CTNNA3: variants seen among roughly 807,000 people sequenced by gnomAD.
CTNNA3 encodes catenin alpha 3, also known as catenin alpha-3.
A neutral mutation model predicts 95.7 loss-of-function variants in CTNNA3; 76 were observed. That is an observed-to-expected ratio of 0.79 (90% CI 0.66 to 0.96). The LOEUF is 0.96. Ranked by LOEUF, CTNNA3 falls within the 40% of genes least tolerant of loss-of-function variation. The pLI, the probability that CTNNA3 is intolerant of heterozygous loss-of-function variation, is 0.00. For synonymous variants in CTNNA3, 431 were observed against 374.4 expected, an observed-to-expected ratio of 1.15 and a Z score of -1.74; for missense variants, 1,191 against 1,089.8, an observed-to-expected ratio of 1.09 and a Z score of -1.31.
At chr10:66,132,385 A>G (rs1478840720) in intron 13 of CTNNA3, among the ~76,000 whole-genome samples, 1 of 152,194 alleles carries the variant, frequency 6.6e-6, no homozygotes, top group African/African-American at 2.4e-5. Context: ...GGCTATTAAT[A>G]AAAAGTCAAA....
At chr10:67,302,075 GAAAGAAAGAAAGAAAGAAAGAAA>G (rs1840342268) in intron 5 of CTNNA3, among the ~76,000 whole-genome samples, 1 of 110,016 alleles carries the variant, frequency 9.1e-6, no homozygotes, top group Non-Finnish European at 2.0e-5. Flanking sequence ...AAGAAAGAAA[GAAAGAAAGAAAGAAAGAAAGAAA>G]ATCCTTTCAT....
In CTNNA3 at chr10:65,922,936, C is replaced by T. The variant is rs1015357319; in HGVS notation, c.2401-2319G>A. Among the ~76,000 whole-genome samples, 61 of 152,168 alleles carry T rather than the reference C, an allele frequency of 4.0e-4. No homozygotes were observed. In the Middle Eastern group the frequency reaches 0.01, roughly 25 times the overall value. ...ATCTTACATGGCAACAGGAGAGAGA[C>T]AGCAAACAAAAGCAGGGAAAACTGC... On this transcript the variant is annotated intron_variant, in intron 17 of 17. Transcript: ENST00000433211.
chr10:66,225,328 C>G (rs2089219981), intron 13 of CTNNA3, among the ~76,000 whole-genome samples: 1 of 149,182 alleles, frequency 6.7e-6, no homozygotes, highest in Non-Finnish European at 1.5e-5. Flanking sequence ...TTTTGCATAA[C>G]ATAATCCCCT....
At chr10:66,375,213 C>T (rs1208419959) in intron 12 of CTNNA3, among the ~76,000 whole-genome samples, 6 of 150,084 alleles carry the variant, frequency 4.0e-5, no homozygotes, top group South Asian at 2.1e-4. Context: ...TGGAAGGTGC[C>T]TTTTGGCCCA....
chr10:66,107,034 T>G (rs979753417), intron 13 of CTNNA3, among the ~76,000 whole-genome samples: 4 of 152,204 alleles, frequency 2.6e-5, no homozygotes, highest in Non-Finnish European at 5.9e-5. Flanking sequence ...TAATTGGACT[T>G]TAATCATGTC....
intron 12 of CTNNA3, among the ~76,000 whole-genome samples, chr10:66,309,626 C>A (rs2091980478): frequency 7.7e-6 from 1 of 130,080 alleles, no homozygotes; most frequent in Non-Finnish European, 1.5e-5. Flanking sequence ...GCGGAGCTTG[C>A]AGTGAGCTGA....
intron 7 of CTNNA3, among the ~76,000 whole-genome samples, chr10:66,849,659 G>A (rs1843411436): frequency 6.6e-6 from 1 of 152,120 alleles, no homozygotes; most frequent in African/African-American, 2.4e-5. Flanking sequence ...GCCATGTAAA[G>A]TCGGAGGCAG....
chr10:66,342,834 T>C (rs546426171), intron 12 of CTNNA3, among the ~76,000 whole-genome samples: 2 of 152,234 alleles, frequency 1.3e-5, no homozygotes, highest in South Asian at 2.1e-4. Flanking sequence ...TTTTGGAAGA[T>C]ATTATCTTTG....
chr10:66,310,534 T>A (rs1206723287), intron 12 of CTNNA3, among the ~76,000 whole-genome samples: 1 of 152,168 alleles, frequency 6.6e-6, no homozygotes, highest in Non-Finnish European at 1.5e-5. Context: ...CCTATATTCC[T>A]TGGAAATCCA....
intron 15 of CTNNA3, among the ~76,000 whole-genome samples, chr10:65,995,146 C>A (rs543001589): frequency 6.6e-6 from 1 of 151,682 alleles, no homozygotes; most frequent in Non-Finnish European, 1.5e-5. Flanking sequence ...CTTTTTTCAT[C>A]ATTTCATTAA....
chr10:67,189,136 C>CAAA (rs1203511442), intron 6 of CTNNA3, among the ~76,000 whole-genome samples: 2 of 120,102 alleles, frequency 1.7e-5, no homozygotes, highest in Admixed American at 7.2e-5. Context: ...CAAACAACAA[C>CAAA]AACAACAAAA....
At chr10:66,552,638 T>C (rs1842254897) in intron 10 of CTNNA3, among the ~76,000 whole-genome samples, 1 of 149,934 alleles carries the variant, frequency 6.7e-6, no homozygotes, top group Non-Finnish European at 1.5e-5. Context: ...TAGACTCCGA[T>C]ATTTTGTATT....
chr10:66,710,942 C>T (rs754108632), intron 9 of CTNNA3, among the ~76,000 whole-genome samples: 7 of 151,938 alleles, frequency 4.6e-5, no homozygotes, highest in African/African-American at 1.7e-4. Context: ...ATCTATAAAA[C>T]ATCTTTTAAA....
In CTNNA3 at chr10:65,917,017, T is replaced by A. The variant is rs527942743; in HGVS notation, c.*3313A>T. The A allele has an allele frequency of 6.6e-6, 1 of 152,292 alleles. No individual in the cohort carries two copies. The highest frequency in any genetic ancestry group is 2.1e-4 in the South Asian group (1 of 4,822). The allele number at this position is 152,292 out of a possible 1,614,324, so 9.4% of individuals were successfully genotyped here. A position where few individuals can be genotyped will look rare whatever the true frequency, so the allele number is the denominator to read the frequency against. On this transcript the variant is annotated 3_prime_UTR_variant, in exon 18 of 18. Coordinates refer to ENST00000433211, the MANE Select transcript of CTNNA3 (RefSeq NM_013266.4). ...TAGCTTGAAATTGAAACCGACTGCC[T>A]TTGAAGCTAAAGGTGTTAAGAATGC...
chr10:66,007,496 A>C (rs899030862), intron 15 of CTNNA3, among the ~76,000 whole-genome samples: 1 of 152,192 alleles, frequency 6.6e-6, no homozygotes, highest in African/African-American at 2.4e-5. Flanking sequence ...AAATCACCAT[A>C]ATACGGTAGT....
At chr10:66,104,522 G>A (rs999243039) in intron 13 of CTNNA3, among the ~76,000 whole-genome samples, 1 of 152,146 alleles carries the variant, frequency 6.6e-6, no homozygotes, top group Non-Finnish European at 1.5e-5. Flanking sequence ...TGTGAAGTCT[G>A]AGATTTTAGT....
intron 7 of CTNNA3, among the ~76,000 whole-genome samples, chr10:67,172,211 A>G (rs1862052636): frequency 6.6e-6 from 1 of 152,142 alleles, no homozygotes; most frequent in African/African-American, 2.4e-5. Flanking sequence ...GGAGTTAACC[A>G]CTTACTACTT....
intron 9 of CTNNA3, among the ~76,000 whole-genome samples, chr10:66,720,836 AAAAG>A (rs1426547417): frequency 2.0e-5 from 3 of 151,828 alleles, no homozygotes; most frequent in African/African-American, 2.4e-5. Context: ...CTGTCTCAAA[AAAAG>A]AAAAGAAAAG....
At chr10:66,772,428 CAAA>C (rs200040278) in intron 8 of CTNNA3, among the ~76,000 whole-genome samples, 1 of 35,750 alleles carries the variant, frequency 2.8e-5, no homozygotes, top group African/African-American at 1.6e-4. Context: ...CTGTCTCAAA[CAAA>C]AAAAAAAAAA....
Sources: allele counts gnomAD v4.1 joint callset (sites outside exome capture counted in the v4.1 genomes callset), GRCh38; gene constraint gnomAD v4.1.1; transcripts MANE v1.5; gene names NCBI Gene and HGNC (gene_info 2026-07-23, HGNC 2026-07-21).